TBXAS1: variants seen among roughly 807,000 people sequenced by gnomAD.
TBXAS1 encodes the protein thromboxane-A synthase.
Under a neutral mutation model 60.7 loss-of-function variants are expected in TBXAS1, and 48 were observed. The ratio of observed to expected loss-of-function variants is 0.79; its 90% CI spans 0.63 to 1.01. The LOEUF (loss-of-function observed/expected upper bound fraction) is 1.01, where lower values mean the gene tolerates loss of function less well. Ranked by LOEUF, TBXAS1 falls within the 50% of genes least tolerant of loss-of-function variation. The probability of loss-of-function intolerance (pLI) is 0.00; values close to 1 mark genes in which losing one functional copy is unlikely to be tolerated. For missense variants in TBXAS1, 685 were observed against 686.3 expected, an observed-to-expected ratio of 1.00 and a Z score of 0.02; for synonymous variants, 287 against 269.7, an observed-to-expected ratio of 1.06 and a Z score of -0.63.
chr7:139,970,248 A>G (rs957587475), intron 9 of TBXAS1, among the ~76,000 whole-genome samples: 1 of 152,250 alleles, frequency 6.6e-6, no homozygotes, highest in Admixed American at 6.5e-5. Context: ...CTGGGATTAC[A>G]GGCTCACGCC....
chr7:139,977,315 C>T (rs1020887809), intron 9 of TBXAS1, among the ~76,000 whole-genome samples: 2 of 152,130 alleles, frequency 1.3e-5, no homozygotes, highest in African/African-American at 4.8e-5. Context: ...ACGTGGATGG[C>T]GGCAGGCAAA....
chr7:139,951,577 G>A (rs1304544683), intron 5 of TBXAS1, among the ~76,000 whole-genome samples: 2 of 126,692 alleles, frequency 1.6e-5, no homozygotes, highest in African/African-American at 6.4e-5. Context: ...TCAACATGGT[G>A]GAATCCCGTC....
At chr7:139,910,701 G>C (rs1023599663) in intron 3 of TBXAS1, among the ~76,000 whole-genome samples, 1 of 152,192 alleles carries the variant, frequency 6.6e-6, no homozygotes, top group African/African-American at 2.4e-5. Context: ...GTGGCGACCA[G>C]ATATTCAGTT....
intron 3 of TBXAS1, among the ~76,000 whole-genome samples, chr7:139,783,160 G>C (rs1239888900): frequency 1.3e-5 from 2 of 152,266 alleles, no homozygotes; most frequent in Non-Finnish European, 2.9e-5. Context: ...AGCGAGGCTT[G>C]GCAGGGTGAA....
chr7:139,796,450 T>C (rs986905055), intron 4 of TBXAS1, among the ~76,000 whole-genome samples: 2 of 152,306 alleles, frequency 1.3e-5, no homozygotes, highest in Middle Eastern at 6.8e-3. Flanking sequence ...TATGGAGACA[T>C]GAAGAAGACA....
At chr7:140,019,460 G>C (rs986635615) in intron 12 of TBXAS1, among the ~76,000 whole-genome samples, 2 of 152,266 alleles carry the variant, frequency 1.3e-5, no homozygotes, top group Non-Finnish European at 2.9e-5. Context: ...AGGAGTCAAG[G>C]GCTCCCCGTT....
rs371822675 is a variant in TBXAS1, at chr7:140,001,805, A to G, written c.1135-5286A>G. ...TGTTGGATTCACAGTTCCCTGATTGATTCATATTTGTTTTAGGTTGGTTGC... is the reference window on the plus strand; with the variant it reads ...TGTTGGATTCACAGTTCCCTGATTGGTTCATATTTGTTTTAGGTTGGTTGC... On this transcript the variant is annotated intron_variant, in intron 9 of 12. Coordinates refer to ENST00000448866, the MANE Select transcript of TBXAS1 (RefSeq NM_001061.7). 2.8e-4 allele frequency among the ~76,000 whole-genome samples: 43 copies of G among 152,278 alleles called. 1 individual carries two copies. In the South Asian group the frequency reaches 8.9e-3, roughly 32 times the overall value.
At chr7:139,931,054 CAT>C (rs1375531879) in intron 4 of TBXAS1, among the ~76,000 whole-genome samples, 1 of 151,950 alleles carries the variant, frequency 6.6e-6, no homozygotes, top group African/African-American at 2.4e-5. Flanking sequence ...CACACACACA[CAT>C]ACACACATAC....
intron 4 of TBXAS1, chr7:139,797,296 T>G (rs886249288): frequency 2.0e-5 from 3 of 152,140 alleles, no homozygotes; most frequent in African/African-American, 7.2e-5. Context: ...TGGGTCCAGG[T>G]TCAGTGTTGT....
intron 1 of TBXAS1, among the ~76,000 whole-genome samples, chr7:139,843,433 C>T (rs1289000828): frequency 1.3e-5 from 2 of 152,140 alleles, no homozygotes; most frequent in African/African-American, 4.8e-5. Context: ...ACCTCCGCCT[C>T]CCGGGTTCAA....
chr7:139,892,707 A>G (rs1269053083), intron 3 of TBXAS1, among the ~76,000 whole-genome samples: 3 of 152,248 alleles, frequency 2.0e-5, no homozygotes, highest in Non-Finnish European at 4.4e-5. Flanking sequence ...GAGCCCTCCC[A>G]GGGCAGACTG....
chr7:139,892,829 G>C (rs1354186409), intron 3 of TBXAS1, among the ~76,000 whole-genome samples: 1 of 152,018 alleles, frequency 6.6e-6, no homozygotes, highest in African/African-American at 2.4e-5. Flanking sequence ...CACCAGCTCG[G>C]GGTGAGCTTC....
intron 3 of TBXAS1, among the ~76,000 whole-genome samples, chr7:139,886,756 C>G (rs1803143836): frequency 6.6e-6 from 1 of 152,152 alleles, no homozygotes; most frequent in Non-Finnish European, 1.5e-5. Context: ...GCTTGTAACT[C>G]TTCAAGTTCA....
chr7:139,961,998 T>A lies in TBXAS1; in HGVS notation c.899T>A (p.Val300Asp). The stretch of plus-strand genomic sequence containing the variant: ...ATGGGCGTGCAAGACTTTGACATCG[T>A]CAGAGACGTTTTCTCCTCTACTGGG... ...SPMGVQDFDI[V>D]RDVFSSTGCK... The change falls in exon 9 of 13, where the codon GTC becomes GAC. Residue 300 changes from valine (V) to aspartate (D), a missense_variant. Transcript: ENST00000448866. 6.2e-7 allele frequency: 1 copy of A among 1,614,256 alleles called. No homozygotes were observed. Among genetic ancestry groups the A allele is most frequent in the Non-Finnish European group, 8.5e-7 (1 of 1,180,048 alleles).
rs1172389091 is a variant in TBXAS1, at chr7:139,888,528, A to G, written c.236+12891A>G. ...GTTTTTTTCCCACAGTCTTTCCACTATATCACAGGGCATACACTCCTGCTT... is the reference window on the plus strand; with the variant it reads ...GTTTTTTTCCCACAGTCTTTCCACTGTATCACAGGGCATACACTCCTGCTT... On this transcript the variant is annotated intron_variant, in intron 3 of 12. Coordinates refer to ENST00000448866, the MANE Select transcript of TBXAS1 (RefSeq NM_001061.7). Among the ~76,000 whole-genome samples the G allele has an allele frequency of 3.3e-5, 5 of 152,032 alleles. No homozygotes were observed. In the East Asian group the frequency reaches 7.7e-4, roughly 23 times the overall value.
At chr7:139,985,597 A>G (rs942135483) in intron 9 of TBXAS1, among the ~76,000 whole-genome samples, 1 of 152,216 alleles carries the variant, frequency 6.6e-6, no homozygotes, top group African/African-American at 2.4e-5. Flanking sequence ...TATTTGTTCT[A>G]AAAAATTAAC....
chr7:139,844,375 G>A (rs539969357), intron 1 of TBXAS1, among the ~76,000 whole-genome samples: 1 of 152,214 alleles, frequency 6.6e-6, no homozygotes, highest in South Asian at 2.1e-4. Context: ...CCTATGTTCT[G>A]TTGTCCCAGC....
intron 3 of TBXAS1, among the ~76,000 whole-genome samples, chr7:139,885,155 A>G (rs982924905): frequency 1.3e-5 from 2 of 152,230 alleles, no homozygotes; most frequent in Non-Finnish European, 2.9e-5. Context: ...TCCAAAATCT[A>G]CCATGGAGAA....
intron 3 of TBXAS1, among the ~76,000 whole-genome samples, chr7:139,884,858 G>T (rs1442385053): frequency 6.6e-6 from 1 of 152,212 alleles, no homozygotes; most frequent in Non-Finnish European, 1.5e-5. Context: ...GATGAACCAG[G>T]AATTGACATT....
Sources: allele counts gnomAD v4.1 joint callset (sites outside exome capture counted in the v4.1 genomes callset), GRCh38; gene constraint gnomAD v4.1.1; transcripts MANE v1.5; gene names NCBI Gene and HGNC (gene_info 2026-07-23, HGNC 2026-07-21).